The following PCDH15 variants were observed in gnomAD, a reference collection of about 807,000 sequenced individuals.
The protein encoded by PCDH15 is protocadherin related 15, also known as protocadherin-15.
PCDH15 carries 129 observed loss-of-function variants against 178.5 expected under a neutral mutation model. The observed-to-expected ratio is 0.72, with a 90% confidence interval of 0.63 to 0.84. The LOEUF (loss-of-function observed/expected upper bound fraction) is 0.84. Among genes scored for constraint, PCDH15 ranks in the 40% least tolerant of loss-of-function variants. PCDH15 has a pLI of 0.00. For synonymous variants in PCDH15, 800 were observed against 732.0 expected (o/e 1.09, Z -1.50); for missense variants, 2,230 against 2,099.9 (o/e 1.06, Z -1.21).
In PCDH15 at chr10:54,474,404, T is replaced by C. The variant is rs11004327; in HGVS notation, c.157+53408A>G. Reference sequence around the variant, plus strand: ...CAAAACAGGAATTGGGTTTGTTATGTCAAATCCTATGCTAAAGCCTGTAAA... The same window carrying C: ...CAAAACAGGAATTGGGTTTGTTATGCCAAATCCTATGCTAAAGCCTGTAAA... On this transcript the variant is annotated intron_variant, in intron 3 of 37. Coordinates refer to ENST00000644397, the MANE Select transcript of PCDH15 (RefSeq NM_001384140.1). Among the ~76,000 whole-genome samples the C allele has an allele frequency of 5.6e-3, 849 of 152,108 alleles. 14 individuals carry two copies. Among genetic ancestry groups the C allele is most frequent in the African/African-American group, 0.02 (826 of 41,556 alleles).
chr10:54,366,681 T>TC (rs538027545), intron 5 of PCDH15, among the ~76,000 whole-genome samples: 34 of 101,656 alleles, frequency 3.3e-4, no homozygotes, highest in African/African-American at 1.4e-3. Context: ...ATTTCTATTT[T>TC]TTTTTTGATG....
chr10:53,854,173 C>T (rs2078576632), intron 28 of PCDH15, among the ~76,000 whole-genome samples: 1 of 151,822 alleles, frequency 6.6e-6, no homozygotes, highest in Non-Finnish European at 1.5e-5. Flanking sequence ...ATGAGAAATA[C>T]TGCAAATTTC....
At chr10:55,536,961 T>C (rs1408569777) in intron 2 of PCDH15, among the ~76,000 whole-genome samples, 2 of 152,178 alleles carry the variant, frequency 1.3e-5, no homozygotes, top group South Asian at 4.1e-4. Flanking sequence ...ACTAAAGTTA[T>C]TTTATTTTTT....
intron 2 of PCDH15, among the ~76,000 whole-genome samples, chr10:55,602,217 C>G (rs890616632): frequency 1.3e-5 from 2 of 152,208 alleles, no homozygotes; most frequent in African/African-American, 4.8e-5. Flanking sequence ...TTATACCCCG[C>G]ACCTGGCTCG....
intron 8 of PCDH15, among the ~76,000 whole-genome samples, chr10:54,241,584 A>G (rs2055303698): frequency 6.6e-6 from 1 of 152,148 alleles, no homozygotes; most frequent in Non-Finnish European, 1.5e-5. Flanking sequence ...TTTGCCTCTG[A>G]AGCAAAGCTG....
chr10:54,394,769 C>T (rs1314486086), intron 3 of PCDH15, among the ~76,000 whole-genome samples: 4 of 152,160 alleles, frequency 2.6e-5, no homozygotes, highest in Non-Finnish European at 5.9e-5. Flanking sequence ...TTCATCCCTG[C>T]AGCCTCAACC....
chr10:53,866,448 T>A (rs574627410), intron 27 of PCDH15, among the ~76,000 whole-genome samples, 194 bp downstream of exon 27: 1 of 79,938 alleles, frequency 1.3e-5, no homozygotes, highest in East Asian at 2.5e-3. Flanking sequence ...TTTTTGTAAA[T>A]ATATATATAT....
At chr10:53,845,761 A>G (rs2132846438) in intron 28 of PCDH15, among the ~76,000 whole-genome samples, 1 of 151,876 alleles carries the variant, frequency 6.6e-6, no homozygotes, top group African/African-American at 2.4e-5. Context: ...GTTAATGGAT[A>G]CAAAAATACA....
intron 18 of PCDH15, among the ~76,000 whole-genome samples, chr10:54,045,334 A>T (rs1350801460): frequency 6.6e-6 from 1 of 152,140 alleles, no homozygotes; most frequent in Admixed American, 6.6e-5. Context: ...ATGACATAGT[A>T]AGGGTCCCAT....
intron 2 of PCDH15, among the ~76,000 whole-genome samples, chr10:54,984,056 G>A (rs1591819474): frequency 1.3e-5 from 2 of 152,230 alleles, no homozygotes; most frequent in African/African-American, 4.8e-5. Context: ...AAAAGTAAAG[G>A]CTTTAGATCA....
chr10:54,538,936 G>T (rs1447514054), intron 2 of PCDH15, among the ~76,000 whole-genome samples: 1 of 152,120 alleles, frequency 6.6e-6, no homozygotes, highest in Non-Finnish European at 1.5e-5. Flanking sequence ...ATGAATTTCA[G>T]AATTTTTTCT....
chr10:54,547,487 T>G (rs934590648), intron 2 of PCDH15, among the ~76,000 whole-genome samples: 11 of 152,178 alleles, frequency 7.2e-5, no homozygotes, highest in Admixed American at 7.2e-4. Flanking sequence ...ATCTTCTGTG[T>G]GCACTTTGAT....
intron 2 of PCDH15, among the ~76,000 whole-genome samples, chr10:55,415,198 G>C (rs1167092687): frequency 6.6e-6 from 1 of 151,454 alleles, no homozygotes. Flanking sequence ...TGTTAATGTG[G>C]TGTATTACAT....
At chr10:54,004,992 G>C (rs756568479) in intron 20 of PCDH15, among the ~76,000 whole-genome samples, 1 of 149,726 alleles carries the variant, frequency 6.7e-6, no homozygotes, top group African/African-American at 2.5e-5. Context: ...ACAGAATTGA[G>C]AACCCAGAAA....
intron 2 of PCDH15, among the ~76,000 whole-genome samples, chr10:54,593,844 T>TATGCTTTAACATTTTTCC (rs1351840378): frequency 6.6e-6 from 1 of 152,036 alleles, no homozygotes; most frequent in African/African-American, 2.4e-5. Context: ...TTCATTTATC[T>TATGCTTTAACATTTTTCC]ATGCTTTAAC....
chr10:53,970,470 ACT>A lies in PCDH15; in HGVS notation c.2869-8580_2869-8579del, dbSNP rs555163386. Among the ~76,000 whole-genome samples, 117 of 151,388 alleles carry A rather than the reference ACT, an allele frequency of 7.7e-4. 1 individual carries two copies. The South Asian group carries it at 0.018, about 24-fold the overall frequency. On this transcript the variant is annotated intron_variant, in intron 21 of 37. Transcript: ENST00000644397. The stretch of plus-strand genomic sequence containing the variant: ...ACTGAAGGAGACAGAGAAACAAAAA[ACT>A]CTTCCAAAAAATCAATGAATCCAGG...
chr10:53,972,252 T>G (rs1047394408), intron 21 of PCDH15, among the ~76,000 whole-genome samples: 1 of 142,050 alleles, frequency 7.0e-6, no homozygotes, highest in Non-Finnish European at 1.5e-5. Context: ...AAGCTGAAAC[T>G]GGATCCCTTC....
intron 3 of PCDH15, among the ~76,000 whole-genome samples, chr10:54,845,360 A>T (rs1393763751): frequency 6.6e-6 from 1 of 152,050 alleles, no homozygotes; most frequent in African/African-American, 2.4e-5. Context: ...GGAAGTGAAT[A>T]CTGAAATCCA....
At chr10:54,535,604 G>A (rs1473993939) in intron 2 of PCDH15, among the ~76,000 whole-genome samples, 2 of 151,118 alleles carry the variant, frequency 1.3e-5, no homozygotes, top group Non-Finnish European at 2.9e-5. Flanking sequence ...CAGCTATTCG[G>A]GAGGCTGAGG....
Sources: gnomAD v4.1 joint callset for allele counts (sites outside exome capture counted in the v4.1 genomes callset) on GRCh38, gnomAD v4.1.1 for gene constraint, MANE v1.5 for transcripts, NCBI Gene and HGNC (gene_info 2026-07-23, HGNC 2026-07-21) for gene names.